CDKL5: variants seen among roughly 807,000 people sequenced by gnomAD.
CDKL5 encodes cyclin-dependent kinase-like 5.
In CDKL5, 8 loss-of-function variants were observed where a neutral mutation model predicts 61.7. That is an observed-to-expected ratio of 0.13 (90% CI 0.08 to 0.23). CDKL5 has a LOEUF of 0.23. Ranked by LOEUF, CDKL5 falls within the 10% of genes least tolerant of loss-of-function variation. The pLI is 1.00. For missense variants in CDKL5, 440 were observed against 734.5 expected, an observed-to-expected ratio of 0.60 and a Z score of 4.63; for synonymous variants, 275 against 272.3, an observed-to-expected ratio of 1.01 and a Z score of -0.10.
intron 3 of CDKL5, among the ~76,000 whole-genome samples, chrX:18,561,315 A>G (rs1310869985): frequency 9.0e-6 from 1 of 111,363 alleles, no homozygotes; most frequent in Non-Finnish European, 1.9e-5. Context: ...ACACTTTGTC[A>G]GAAAACCTTT....
chrX:18,605,578 ACT>A (rs1191307747), intron 12 of CDKL5, among the ~76,000 whole-genome samples: 22 of 111,558 alleles, frequency 2.0e-4, no homozygotes, highest in Non-Finnish European at 5.6e-5. Flanking sequence ...ATAGAACGAG[ACT>A]CTGTCTCAAA....
rs997398222 is a variant in CDKL5 at position 18,634,294 on chromosome X, A to G, written c.*5537A>G. 1.3e-5 allele frequency: 10 copies of G among 752,164 alleles called. No individual in the cohort carries two copies. The highest frequency in any genetic ancestry group is 9.3e-5 in the African/African-American group (4 of 43,038). The allele number at this position is 752,164 out of a possible 1,213,427, so 62.0% of individuals were successfully genotyped here. A position where few individuals can be genotyped will look rare whatever the true frequency, so the allele number is the denominator to read the frequency against. On this transcript the variant is annotated 3_prime_UTR_variant, in exon 18 of 18. Transcript: ENST00000623535. ...TTTGGTTGGGGATTTTACTTTCCCA[A>G]AAGTCTGATCTGATTTCTTTCAGGG...
intron 3 of CDKL5, among the ~76,000 whole-genome samples, chrX:18,561,847 A>G (rs1924816350): frequency 8.9e-6 from 1 of 112,183 alleles, no homozygotes. Flanking sequence ...AGAAATAATT[A>G]AAATATCAAG....
At chrX:18,573,496 G>A in intron 4 of CDKL5, among the ~76,000 whole-genome samples, 1 of 112,051 alleles carries the variant, frequency 8.9e-6, no homozygotes. Context: ...CAGAACACCT[G>A]GACCTTTGTC....
chrX:18,519,749 C>A (rs1018415519), intron 3 of CDKL5, among the ~76,000 whole-genome samples: 25 of 111,926 alleles, frequency 2.2e-4, no homozygotes, highest in Non-Finnish European at 1.5e-4. Flanking sequence ...TGAAAAAATT[C>A]TTCAGCTCAA....
At chrX:18,452,571 A>G (rs1274866483) in intron 1 of CDKL5, among the ~76,000 whole-genome samples, 2 of 108,572 alleles carry the variant, frequency 1.8e-5, no homozygotes, top group African/African-American at 6.7e-5. Flanking sequence ...GATTACAGGC[A>G]CACGCTACCA....
chrX:18,556,251 TATAAC>T (rs1321436526), intron 3 of CDKL5, among the ~76,000 whole-genome samples: 1 of 112,345 alleles, frequency 8.9e-6, no homozygotes, highest in African/African-American at 3.2e-5. Context: ...GTATAAATAT[TATAAC>T]ATATTATTAG....
chrX:18,442,150 G>A (rs1931759934), intron 1 of CDKL5: 1 of 111,527 alleles, frequency 9.0e-6, no homozygotes, highest in Admixed American at 9.6e-5. Flanking sequence ...CTCAGGCTTA[G>A]CTGCTGCCCA....
intron 3 of CDKL5, among the ~76,000 whole-genome samples, chrX:18,557,357 A>G (rs1424516269): frequency 8.9e-6 from 1 of 112,264 alleles, no homozygotes; most frequent in Admixed American, 9.5e-5. Flanking sequence ...TAAAGTATAT[A>G]GGCGAATGTG....
intron 3 of CDKL5, among the ~76,000 whole-genome samples, chrX:18,511,564 G>A (rs111928256): frequency 0.017 from 1,889 of 111,573 alleles, 49 homozygotes; most frequent in African/African-American, 0.057. Context: ...AAGGTAACAT[G>A]CTATACAGGT....
rs766176393 is a variant in CDKL5 at position 18,466,419 on chromosome X, C to A, written c.-162-40516C>A. Among the ~76,000 whole-genome samples the A allele has an allele frequency of 4.5e-5, 5 of 111,896 alleles. No homozygotes were observed. In the South Asian group the frequency reaches 1.8e-3, roughly 41 times the overall value. Reference sequence around the variant, plus strand: ...TTGAGACAGCTTTTAATGTGTATCTCAAGGACTTAAAATATGAAAACTTAT... The same window carrying A: ...TTGAGACAGCTTTTAATGTGTATCTAAAGGACTTAAAATATGAAAACTTAT... On this transcript the variant is annotated intron_variant, in intron 1 of 17. Transcript: ENST00000623535.
chrX:18,537,050 C>T (rs755538617), intron 3 of CDKL5, among the ~76,000 whole-genome samples: 42 of 106,796 alleles, frequency 3.9e-4, no homozygotes, highest in Non-Finnish European at 7.9e-4. Context: ...CACCACAGGG[C>T]GCTGGAGGGA....
chrX:18,652,624 G>A (rs771494037), intron 21 of CDKL5, among the ~76,000 whole-genome samples: 3 of 111,229 alleles, frequency 2.7e-5, no homozygotes, highest in Admixed American at 9.5e-5. Context: ...AGCCAAGATC[G>A]TGCCACTGCA....
chrX:18,481,229 T>C (rs1921545427), intron 1 of CDKL5, among the ~76,000 whole-genome samples: 1 of 109,976 alleles, frequency 9.1e-6, no homozygotes, highest in Non-Finnish European at 1.9e-5. Flanking sequence ...AACCTACTTC[T>C]TTATTTTCTG....
At chrX:18,432,099 C>CTTTT (rs139849633) in intron 1 of CDKL5, among the ~76,000 whole-genome samples, 29 of 90,239 alleles carry the variant, frequency 3.2e-4, no homozygotes, top group Non-Finnish European at 4.2e-4. Context: ...TTCTTTCTTT[C>CTTTT]TTTTTTTTTT....
chrX:18,554,455 G>A (rs1331677198), intron 3 of CDKL5, among the ~76,000 whole-genome samples: 1 of 90,265 alleles, frequency 1.1e-5, no homozygotes, highest in Non-Finnish European at 2.1e-5. Flanking sequence ...TCACTCTGTC[G>A]CCCAGGCTGG....
chrX:18,652,055 C>T (rs1165851804), intron 21 of CDKL5, among the ~76,000 whole-genome samples: 1 of 110,729 alleles, frequency 9.0e-6, no homozygotes, highest in East Asian at 2.8e-4. Context: ...GTCACGCACC[C>T]CTCCTCCTCA....
At chrX:18,649,970 A>C (rs1927959198) in intron 20 of CDKL5, 1 of 187,797 alleles carries the variant, frequency 5.3e-6, no homozygotes, top group Non-Finnish European at 9.9e-6. Flanking sequence ...TTTGTTTTCC[A>C]CCCCCACCCG....
Position 18,588,151 on chromosome X carries a change from GT to G in CDKL5, c.744+12del. 4.2e-6 allele frequency: 5 copies of G among 1,201,113 alleles called. No individual in the cohort carries two copies. Among genetic ancestry groups the G allele is most frequent in the Non-Finnish European group, 5.6e-6 (5 of 886,128 alleles). Reference sequence around the variant, plus strand: ...CGCTTCCATGGGCTCCGGGTAAGAGGTTTTGCTGAAACCCAAAATGGAATCA... The same window carrying G: ...CGCTTCCATGGGCTCCGGGTAAGAGGTTTGCTGAAACCCAAAATGGAATCA... On this transcript the variant is annotated intron_variant, in intron 9 of 17. Transcript: ENST00000623535.
Sources: gnomAD v4.1 joint callset for allele counts (sites outside exome capture counted in the v4.1 genomes callset) on GRCh38, gnomAD v4.1.1 for gene constraint, MANE v1.5 for transcripts, NCBI Gene and HGNC (gene_info 2026-07-23, HGNC 2026-07-21) for gene names.